Variants in ULK2 observed in about 807,000 individuals in gnomAD.
ULK2 encodes serine/threonine-protein kinase ULK2.
A neutral mutation model predicts 127.5 loss-of-function variants in ULK2; 76 were observed. The observed-to-expected ratio is 0.60, with a 90% CI of 0.50 to 0.72. The LOEUF is 0.72. Among genes scored for constraint, ULK2 ranks in the 30% least tolerant of loss-of-function variants. The pLI, the probability that ULK2 is intolerant of heterozygous loss-of-function variation, is 0.00. For missense variants in ULK2, 1,144 were observed against 1,295.9 expected (o/e 0.88, Z 1.80); for synonymous variants, 452 against 461.9 (o/e 0.98, Z 0.28).
At chr17:19,853,492 C>G (rs2042061076) in intron 3 of ULK2, among the ~76,000 whole-genome samples, 1 of 151,886 alleles carries the variant, frequency 6.6e-6, no homozygotes, top group African/African-American at 2.4e-5. Flanking sequence ...ATTCTTAATT[C>G]ATTCTCCACC....
intron 5 of ULK2, among the ~76,000 whole-genome samples, chr17:19,847,687 C>T (rs1373291222): frequency 6.6e-6 from 1 of 152,128 alleles, no homozygotes; most frequent in Admixed American, 6.6e-5. Flanking sequence ...GTAGCTGGGA[C>T]TACAGGCATG....
At chr17:19,780,714 T>G in intron 24 of ULK2, 85 bp from the exon 25 acceptor site, 2 of 1,383,130 alleles carry the variant, frequency 1.4e-6, no homozygotes, top group Non-Finnish European at 1.9e-6. Context: ...TGCTGATATA[T>G]AGGGAAGGTG....
chr17:19,863,947 G>T (rs971079598), intron 3 of ULK2, among the ~76,000 whole-genome samples: 9 of 152,044 alleles, frequency 5.9e-5, no homozygotes, highest in Admixed American at 2.0e-4. Context: ...CATGCATAGT[G>T]ACCTTGTTTT....
intron 3 of ULK2, among the ~76,000 whole-genome samples, chr17:19,850,279 A>G (rs2041984325): frequency 6.6e-6 from 1 of 152,102 alleles, no homozygotes; most frequent in Admixed American, 6.6e-5. Flanking sequence ...TATTTGGGGC[A>G]ATCGCATTAT....
intron 14 of ULK2, among the ~76,000 whole-genome samples, chr17:19,808,505 A>G (rs936491835): frequency 1.3e-5 from 2 of 152,210 alleles, no homozygotes; most frequent in African/African-American, 4.8e-5. Context: ...AGAGAATGGG[A>G]AGAAATATTT....
rs534528608 is a variant in ULK2 at position 19,860,540 on chromosome 17, T to C, written c.225+4263A>G. Among the ~76,000 whole-genome samples the C allele has an allele frequency of 7.8e-3, 1,184 of 151,922 alleles. 8 individuals are homozygous for C. Among genetic ancestry groups the C allele is most frequent in the Non-Finnish European group, 0.013 (872 of 67,944 alleles). On this transcript the variant is annotated intron_variant, in intron 3 of 26. Coordinates refer to ENST00000395544, the MANE Select transcript of ULK2 (RefSeq NM_014683.4). ...TTAATACCTCTTTTTTTTTTTTTTT[T>C]TGAGACGGAGTTTCCCTCTTGTTGC...
chr17:19,840,076 G>A, intron 9 of ULK2: 1 of 339,934 alleles, frequency 2.9e-6, no homozygotes, highest in East Asian at 7.7e-5. Flanking sequence ...ACTCTCTGTG[G>A]CATTTAAAAG....
Position 19,848,278 on chromosome 17 carries a change from T to G in ULK2, c.295+1091A>C, listed in dbSNP as rs116260632. The G allele has an allele frequency of 7.8e-3, 1,191 of 152,360 alleles. 14 individuals carry two copies. The highest frequency in any genetic ancestry group is 0.027 in the African/African-American group (1,120 of 41,578). 9.4% of individuals were successfully genotyped at this position (152,360 alleles called of 1,614,324 possible). On this transcript the variant is annotated intron_variant, in intron 5 of 26. Coordinates refer to ENST00000395544, the MANE Select transcript of ULK2 (RefSeq NM_014683.4). ...ACCTACACTGAGGATTTAGTATCCATGTACCTATTTAAATTATTCGTGATG... is the reference window on the plus strand; with the variant it reads ...ACCTACACTGAGGATTTAGTATCCAGGTACCTATTTAAATTATTCGTGATG...
At chr17:19,788,578 T>C (rs1051147950) in intron 20 of ULK2, among the ~76,000 whole-genome samples, 3 of 151,884 alleles carry the variant, frequency 2.0e-5, no homozygotes, top group African/African-American at 4.8e-5. Flanking sequence ...CCAGGGAGCA[T>C]GCTTGGGCCT....
chr17:19,860,916 G>GT (rs1343516290), intron 3 of ULK2: 1 of 151,950 alleles, frequency 6.6e-6, no homozygotes, highest in African/African-American at 2.4e-5. Flanking sequence ...ACCCAGGTTC[G>GT]ATTCCTGGCC....
Position 19,783,882 on chromosome 17 carries a change from A to T in ULK2, c.2275T>A (p.Ser759Thr). Residue 759 changes from serine to threonine, a missense_variant, in exon 22 of 27, where the codon TCT (serine) becomes ACT (threonine). Ser to Thr is a moderately conservative substitution (Grantham distance 58, BLOSUM62 1). Around this residue, in one of 2 missense-constraint regions of ULK2, gnomAD observed 913 missense variants for 970.5 expected, o/e 0.94. Coordinates refer to ENST00000395544, the MANE Select transcript of ULK2 (RefSeq NM_014683.4). ...TSVGPSNSGG[S>T]LCAMSGRVCV... is the part of the protein sequence containing the mutation. ...ACGCGGCCACTCATGGCACAAAGAG[A>T]GCCCCCGGAGTTGCTGGGCCCCACT... 1.3e-6 allele frequency: 2 copies of T among 1,536,836 alleles called. No homozygotes were observed. Among genetic ancestry groups the T allele is most frequent in the South Asian group, 2.6e-5 (2 of 77,884 alleles).
chr17:19,823,677 G>A (rs974707319), intron 12 of ULK2, among the ~76,000 whole-genome samples: 3 of 152,188 alleles, frequency 2.0e-5, no homozygotes, highest in African/African-American at 7.2e-5. Context: ...TGGTCCAGAT[G>A]AGGACACCAT....
chr17:19,806,090 A>T (rs947290001), intron 14 of ULK2, among the ~76,000 whole-genome samples: 17 of 152,208 alleles, frequency 1.1e-4, no homozygotes, highest in Non-Finnish European at 1.8e-4. Context: ...CCAAAAACAC[A>T]AACCCTCTAC....
intron 3 of ULK2, among the ~76,000 whole-genome samples, chr17:19,850,602 G>A (rs901412686): frequency 2.0e-5 from 3 of 152,002 alleles, no homozygotes; most frequent in African/African-American, 4.8e-5. Context: ...CGAGGCAGGC[G>A]GATCACGAGG....
At chr17:19,819,821 G>A (rs949535426) in intron 12 of ULK2, among the ~76,000 whole-genome samples, 1 of 151,946 alleles carries the variant, frequency 6.6e-6, no homozygotes, top group Non-Finnish European at 1.5e-5. Context: ...CCTTACTGCC[G>A]CCTTAGTTCA....
chr17:19,791,922 A>G (rs2087164440), intron 20 of ULK2, among the ~76,000 whole-genome samples: 1 of 151,860 alleles, frequency 6.6e-6, no homozygotes, highest in Admixed American at 6.5e-5. Context: ...CTAGAAATTA[A>G]TAAGAGGTAT....
chr17:19,865,281 T>C (rs1239855826), intron 2 of ULK2, among the ~76,000 whole-genome samples: 1 of 152,162 alleles, frequency 6.6e-6, no homozygotes, highest in Non-Finnish European at 1.5e-5. Flanking sequence ...TCAACCATCT[T>C]CTCAAACCAT....
chr17:19,839,201 T>C (rs281357), intron 9 of ULK2, among the ~76,000 whole-genome samples: 115,847 of 152,008 alleles, frequency 0.76, 45,407 homozygotes, highest in African/African-American at 0.94. Context: ...CTAATAGTTG[T>C]TATAATGTTC....
intron 14 of ULK2, among the ~76,000 whole-genome samples, chr17:19,807,108 G>A (rs1265790273): frequency 6.6e-6 from 1 of 152,186 alleles, no homozygotes; most frequent in African/African-American, 2.4e-5. Flanking sequence ...AAGAAGGAAG[G>A]ATCTATGCAT....
Sources: gnomAD v4.1 joint callset for allele counts (sites outside exome capture counted in the v4.1 genomes callset) on GRCh38, gnomAD v4.1.1 for gene constraint, gnomAD v4.1.1 regional missense constraint, MANE v1.5 for transcripts, NCBI Gene and HGNC (gene_info 2026-07-23, HGNC 2026-07-21) for gene names.